The following PTBP1 variants were observed in gnomAD, a reference collection of about 807,000 sequenced individuals.
The protein encoded by PTBP1 is polypyrimidine tract binding protein 1, also known as polypyrimidine tract-binding protein 1.
A neutral mutation model predicts 59.8 loss-of-function variants in PTBP1; 8 were observed. That is an observed-to-expected ratio of 0.13 (90% CI 0.08 to 0.24). PTBP1 has a LOEUF of 0.24. PTBP1 is among the 10% of genes least tolerant of loss of function. The pLI is 1.00. For synonymous variants in PTBP1, 490 were observed against 320.7 expected, an observed-to-expected ratio of 1.53 and a Z score of -5.64; for missense variants, 686 against 767.0, an observed-to-expected ratio of 0.89 and a Z score of 1.25.
chr19:802,062 C>T (rs757891819), intron 2 of PTBP1, among the ~76,000 whole-genome samples: 2 of 152,184 alleles, frequency 1.3e-5, no homozygotes, highest in African/African-American at 2.4e-5. Context: ...TTCCTGGTTC[C>T]GGCCCTTGTG....
chr19:804,479 CG>C, intron 5 of PTBP1, 41 bp downstream of exon 5: 2 of 1,596,380 alleles, frequency 1.3e-6, no homozygotes, highest in East Asian at 2.2e-5. Flanking sequence ...CCGGGGACCT[CG>C]GGGGTGGGCC....
Position 808,828 on chromosome 19 carries a change from C to T in PTBP1, c.1463+66C>T, listed in dbSNP as rs558616248. 6.5e-5 allele frequency: 95 copies of T among 1,455,932 alleles called. No individual in the cohort carries two copies. Among genetic ancestry groups the T allele is most frequent in the South Asian group, 5.3e-4 (44 of 82,740 alleles). 90.2% of individuals were successfully genotyped at this position (1,455,932 alleles called of 1,614,324 possible). ...CAAGGGCTCTGCTTGGCTGTCCTAC[C>T]GCGTCGGTGTGTGGACTTCTGGCGT... On this transcript the variant is annotated intron_variant, in intron 13 of 14. Transcript: ENST00000356948. This position sits in a 1 kb window ranked among gnomAD's most constrained non-coding sequence, Gnocchi z 4.7.
chr19:805,219 CAG>C (rs770789747), intron 8 of PTBP1, 32 bp downstream of exon 8: 1 of 1,609,372 alleles, frequency 6.2e-7, no homozygotes, highest in Non-Finnish European at 8.5e-7. Context: ...CGCCAGTGTG[CAG>C]AGTGGTCTAT....
intron 2 of PTBP1, among the ~76,000 whole-genome samples, chr19:802,517 A>C (rs1038017650): frequency 2.0e-5 from 3 of 151,924 alleles, no homozygotes; most frequent in Non-Finnish European, 4.4e-5. Context: ...TGGGCCCTTC[A>C]GCAGGTGGGG....
chr19:804,674 A>AC lies in PTBP1; in HGVS notation c.581dup (p.Val195CysfsTer76), dbSNP rs2034483449. 1 of 1,612,702 alleles carries AC rather than the reference A, an allele frequency of 6.2e-7. No homozygotes were observed. The highest frequency in any genetic ancestry group is 1.7e-5 in the Admixed American group (1 of 59,952). On this transcript the variant is annotated frameshift_variant, in exon 6 of 15. Coordinates refer to ENST00000356948, the MANE Select transcript of PTBP1 (RefSeq NM_002819.5). LOFTEE classifies it high-confidence loss of function. Reference sequence around the variant, plus strand: ...AGGATCATCGTGGAGAACCTCTTCTACCCTGTGACCCTGGATGTGCTGCAC... The same window carrying AC: ...AGGATCATCGTGGAGAACCTCTTCTACCCCTGTGACCCTGGATGTGCTGCAC...
intron 2 of PTBP1, 85 bp from the exon 3 acceptor site, chr19:803,476 C>G: frequency 8.3e-7 from 1 of 1,199,812 alleles, no homozygotes; most frequent in Non-Finnish European, 1.2e-6. Flanking sequence ...CCCAGGCAGC[C>G]CAAGTGGGAG....
In PTBP1 at chr19:810,931, A is replaced by C; in HGVS notation, c.*105A>C. ...GTGACCTTAGCAGACCAGAGATTTT[A>C]TTTTTTTAAAGAGAAATCAGTTTAC... On this transcript the variant is annotated 3_prime_UTR_variant, in exon 15 of 15. Transcript: ENST00000356948. 8.4e-7 allele frequency: 1 copy of C among 1,185,868 alleles called. No individual in the cohort carries two copies. Among genetic ancestry groups the C allele is most frequent in the Non-Finnish European group, 1.1e-6 (1 of 880,782 alleles). 73.5% of individuals were successfully genotyped at this position (1,185,868 alleles called of 1,614,324 possible). A position where few individuals can be genotyped will look rare whatever the true frequency, so the allele number is the denominator to read the frequency against.
Position 808,155 on chromosome 19 carries a change from C to A in PTBP1, c.1154-205C>A, listed in dbSNP as rs1338810311. The A allele has an allele frequency of 6.3e-6, 4 of 635,112 alleles. No individual in the cohort carries two copies. The highest frequency in any genetic ancestry group is 1.8e-5 in the African/African-American group (1 of 54,350). The allele number at this position is 635,112 out of a possible 1,614,324, so 39.3% of individuals were successfully genotyped here. ...ACCGTGGCCACCCGCTGGCAGCTTA[C>A]CTGTCCTGGATGCTATGACTTTGCT... is the stretch of plus-strand genomic sequence containing the variant. On this transcript the variant is annotated intron_variant, in intron 11 of 14. Transcript: ENST00000356948. The surrounding 1 kb of genome is among the most constrained non-coding windows in gnomAD (Gnocchi z 4.7).
At position 808,657 on chromosome 19, in the gene PTBP1, C is replaced by G; in HGVS notation, c.1358C>G (p.Thr453Ser). ...PREGQEDQGLTKDYGNSPLHR... is the reference protein window; with the variant it reads ...PREGQEDQGLSKDYGNSPLHR... ...GAGGGCCAGGAGGACCAGGGCCTGACCAAGGACTACGGCAACTCACCCCTG... is the reference window on the plus strand; with the variant it reads ...GAGGGCCAGGAGGACCAGGGCCTGAGCAAGGACTACGGCAACTCACCCCTG... Residue 453 changes from threonine (T) to serine (S), a missense_variant, in exon 13 of 15, where the codon ACC becomes AGC. Coordinates refer to ENST00000356948, the MANE Select transcript of PTBP1 (RefSeq NM_002819.5). This position sits in a 1 kb window ranked among gnomAD's most constrained non-coding sequence, Gnocchi z 4.7. 6.2e-7 allele frequency: 1 copy of G among 1,612,254 alleles called. No individual in the cohort carries two copies. Among genetic ancestry groups the G allele is most frequent in the East Asian group, 2.2e-5 (1 of 44,846 alleles).
intron 2 of PTBP1, among the ~76,000 whole-genome samples, chr19:800,532 C>T (rs187330000): frequency 1.6e-3 from 248 of 152,282 alleles, no homozygotes; most frequent in African/African-American, 5.1e-3. Flanking sequence ...GCTTGTGCCC[C>T]GAGAGCCTCC....
At chr19:799,327 G>T (rs376610150) in intron 1 of PTBP1, 86 bp from the exon 2 acceptor site, 26 of 1,271,176 alleles carry the variant, frequency 2.0e-5, no homozygotes, top group Non-Finnish European at 3.0e-5. Context: ...AGGGACCTAC[G>T]GGCTCTCCTG....
At chr19:805,311 C>CCAGCA in intron 8 of PTBP1, 124 bp downstream of exon 8, 1 of 1,270,506 alleles carries the variant, frequency 7.9e-7, no homozygotes. Flanking sequence ...CTCTGCACGG[C>CCAGCA]CAGCACAGCA....
Position 808,771 on chromosome 19 carries a change from TGGGCCGGG to T in PTBP1, c.1463+14_1463+21del, listed in dbSNP as rs754426858. On this transcript the variant is annotated intron_variant, in intron 13 of 14. Transcript: ENST00000356948. The surrounding 1 kb of genome is among the most constrained non-coding windows in gnomAD (Gnocchi z 4.7). ...CACCTCTCCAACATCCCGTGAGTGC[TGGGCCGGG>T]GGGCTCATGGGGCCGGGGGCGGGCA... 5 of 1,606,410 alleles carry T rather than the reference TGGGCCGGG, an allele frequency of 3.1e-6. No individual in the cohort carries two copies. Among genetic ancestry groups the T allele is most frequent in the Non-Finnish European group, 4.2e-6 (5 of 1,176,908 alleles).
At chr19:803,912 C>T (rs752338786) in intron 3 of PTBP1, 124 bp from the exon 4 acceptor site, 14 of 1,179,738 alleles carry the variant, frequency 1.2e-5, no homozygotes, top group Non-Finnish European at 1.6e-5. Context: ...TGCTGGTTCA[C>T]ATGCACCCTC....
In PTBP1 at chr19:805,803, A is replaced by G. The variant is rs1281079767; in HGVS notation, c.970+234A>G. 7.2e-6 allele frequency: 4 copies of G among 558,600 alleles called. No homozygotes were observed. The African/African-American group carries it at 7.6e-5, about 11-fold the overall frequency. The allele number at this position is 558,600 out of a possible 1,614,324, so 34.6% of individuals were successfully genotyped here. ...GCGCCAGCCAGAAGCCGCTAATCGC[A>G]CAGTCTTTGTGGTCTGGTTCCCTTC... is the stretch of plus-strand genomic sequence containing the variant. On this transcript the variant is annotated intron_variant, in intron 9 of 14. Transcript: ENST00000356948.
intron 1 of PTBP1, 50 bp downstream of exon 1, chr19:797,555 C>T (rs867501084): frequency 7.5e-6 from 10 of 1,328,648 alleles, no homozygotes; most frequent in Non-Finnish European, 8.7e-6. Flanking sequence ...CGCCGCAGCC[C>T]TGCCCCCGCC....
At position 806,394 on chromosome 19, in the gene PTBP1, T is replaced by A. The variant is rs148911659; in HGVS notation, c.971-14T>A. On this transcript the variant is annotated splice_polypyrimidine_tract_variant and intron_variant, in intron 9 of 14. Coordinates refer to ENST00000356948, the MANE Select transcript of PTBP1 (RefSeq NM_002819.5). ...CGGGGGCGCCGCCGCTCATCTCACC[T>A]CCTGCTTTTCCAGGCCTTTCCGTTC... The A allele has an allele frequency of 3.8e-4, 601 of 1,595,358 alleles. 1 individual carries two copies. The African/African-American group carries it at 5.8e-3, about 15-fold the overall frequency.
chr19:810,889 C>G lies in PTBP1; in HGVS notation c.*63C>G. The G allele has an allele frequency of 6.9e-7, 1 of 1,445,426 alleles. No homozygotes were observed. The highest frequency in any genetic ancestry group is 9.2e-7 in the Non-Finnish European group (1 of 1,092,768). 89.5% of individuals were successfully genotyped at this position (1,445,426 alleles called of 1,614,324 possible). A position where few individuals can be genotyped will look rare whatever the true frequency, so the allele number is the denominator to read the frequency against. On this transcript the variant is annotated 3_prime_UTR_variant, in exon 15 of 15. Transcript: ENST00000356948. ...CTTCCATCATTCCAGAGAAAAGCCA[C>G]TTTAAAAACAGCTGAAGTGACCTTA... is the stretch of plus-strand genomic sequence containing the variant.
Position 811,017 on chromosome 19 carries a change from C to G in PTBP1, c.*191C>G. On this transcript the variant is annotated 3_prime_UTR_variant, in exon 15 of 15. Coordinates refer to ENST00000356948, the MANE Select transcript of PTBP1 (RefSeq NM_002819.5). ...TCACCCTGCGGTGACAGGGACAGCT[C>G]AGGCTCTTGGTGACTGTGGCAGCGG... is the stretch of plus-strand genomic sequence containing the variant. 1.7e-6 allele frequency: 1 copy of G among 586,094 alleles called. No individual in the cohort carries two copies. 36.3% of individuals were successfully genotyped at this position (586,094 alleles called of 1,614,324 possible).
Sources: gnomAD v4.1 joint callset for allele counts (sites outside exome capture counted in the v4.1 genomes callset) on GRCh38, gnomAD v4.1.1 for gene constraint, Gnocchi (gnomAD v3.1) non-coding constraint, MANE v1.5 for transcripts, NCBI Gene and HGNC (gene_info 2026-07-23, HGNC 2026-07-21) for gene names.